The following KCNAB1 variants were observed in gnomAD, a reference collection of about 807,000 sequenced individuals.
KCNAB1 encodes the protein potassium voltage-gated channel subfamily A regulatory beta subunit 1, also known as voltage-gated potassium channel subunit beta-1.
KCNAB1 carries 35 observed loss-of-function variants against 64.6 expected under a neutral mutation model. The observed-to-expected ratio is 0.54, with a 90% confidence interval of 0.41 to 0.72. KCNAB1 has a LOEUF of 0.72. Among genes scored for constraint, KCNAB1 ranks in the 30% least tolerant of loss-of-function variants. The probability of loss-of-function intolerance (pLI) is 0.00; values close to 1 mark genes in which losing one functional copy is unlikely to be tolerated. For missense variants in KCNAB1, 401 were observed against 512.9 expected (o/e 0.78, Z 2.11); for synonymous variants, 177 against 183.8 (o/e 0.96, Z 0.30).
intron 1 of KCNAB1, among the ~76,000 whole-genome samples, chr3:156,237,704 T>G (rs899316312): frequency 2.6e-5 from 4 of 152,206 alleles, no homozygotes; most frequent in Non-Finnish European, 5.9e-5. Flanking sequence ...TTTCTTAACA[T>G]TTGTGCTTCA....
chr3:156,206,250 A>G (rs1008336330), intron 1 of KCNAB1, among the ~76,000 whole-genome samples: 1 of 151,978 alleles, frequency 6.6e-6, no homozygotes, highest in African/African-American at 2.4e-5. Flanking sequence ...CTCACACTCA[A>G]CCCAAATGAT....
At chr3:156,459,802 A>C in intron 4 of KCNAB1, 25 bp from the exon 5 acceptor site, 1 of 1,584,714 alleles carries the variant, frequency 6.3e-7, no homozygotes, top group Non-Finnish European at 8.7e-7. Context: ...CTGCATTCTA[A>C]GACATTATCT....
At chr3:156,121,752 C>T (rs752141654) in intron 1 of KCNAB1, among the ~76,000 whole-genome samples, 2 of 152,104 alleles carry the variant, frequency 1.3e-5, no homozygotes, top group South Asian at 2.1e-4. Context: ...GTTCCAATTA[C>T]GTAGTCAAAG....
intron 8 of KCNAB1, among the ~76,000 whole-genome samples, chr3:156,503,556 T>C (rs1236748324): frequency 1.3e-5 from 2 of 152,150 alleles, no homozygotes; most frequent in Non-Finnish European, 2.9e-5. Flanking sequence ...GTCTGTCTGT[T>C]TGGGAGAAAT....
chr3:156,513,211 C>CAA (rs376183217), intron 8 of KCNAB1, among the ~76,000 whole-genome samples: 5 of 144,750 alleles, frequency 3.5e-5, no homozygotes, highest in Admixed American at 1.4e-4. Flanking sequence ...GACTCCATCT[C>CAA]AAAAAAAAAA....
intron 9 of KCNAB1, 34 bp downstream of exon 9, chr3:156,514,483 G>A (rs1222384969): frequency 1.3e-6 from 2 of 1,490,390 alleles, no homozygotes; most frequent in Non-Finnish European, 9.4e-7. Flanking sequence ...TGGCTATTGA[G>A]TACCTTATTA....
At chr3:156,226,220 C>T (rs920282150) in intron 1 of KCNAB1, among the ~76,000 whole-genome samples, 2 of 152,142 alleles carry the variant, frequency 1.3e-5, no homozygotes, top group African/African-American at 4.8e-5. Flanking sequence ...AAAATTGGCA[C>T]ATAGACCAGT....
chr3:156,313,645 G>A (rs1244780175), intron 1 of KCNAB1, among the ~76,000 whole-genome samples: 1 of 152,170 alleles, frequency 6.6e-6, no homozygotes, highest in African/African-American at 2.4e-5. Flanking sequence ...TAAAACCTCC[G>A]GGAGGAATCA....
At chr3:156,177,303 C>G (rs1339209569) in intron 1 of KCNAB1, among the ~76,000 whole-genome samples, 2 of 152,190 alleles carry the variant, frequency 1.3e-5, no homozygotes, top group East Asian at 3.9e-4. Context: ...ATCCTGCTCA[C>G]TATACCCAGA....
rs376056584 is a variant in KCNAB1, at chr3:156,452,846, A to G, written c.320-53A>G. Reference sequence around the variant, plus strand: ...AAAGTAAGAATTTCCCTTATTACGCACAATATTAGAAAAATGATGATGAAT... The same window carrying G: ...AAAGTAAGAATTTCCCTTATTACGCGCAATATTAGAAAAATGATGATGAAT... On this transcript the variant is annotated intron_variant, in intron 2 of 13. Transcript: ENST00000490337. The surrounding 1 kb of genome is among the most constrained non-coding windows in gnomAD (Gnocchi z 4.6). 15 of 1,374,550 alleles carry G rather than the reference A, an allele frequency of 1.1e-5. No individual in the cohort carries two copies. The African/African-American group carries it at 2.0e-4, about 18-fold the overall frequency. The allele number at this position is 1,374,550 out of a possible 1,614,324, so 85.1% of individuals were successfully genotyped here. A position where few individuals can be genotyped will look rare whatever the true frequency, so the allele number is the denominator to read the frequency against.
chr3:156,322,806 C>T (rs797016666), intron 1 of KCNAB1, among the ~76,000 whole-genome samples: 3 of 152,242 alleles, frequency 2.0e-5, no homozygotes, highest in Non-Finnish European at 2.9e-5. Context: ...TATTAAGAGA[C>T]GGAGGCATTA....
chr3:156,529,752 T>G (rs1389706967), intron 12 of KCNAB1, among the ~76,000 whole-genome samples: 3 of 152,222 alleles, frequency 2.0e-5, no homozygotes, highest in Non-Finnish European at 4.4e-5. Context: ...AACAGGACAG[T>G]TCTTAAAGAG....
chr3:156,495,974 GACAAT>G (rs1410381700), intron 8 of KCNAB1, among the ~76,000 whole-genome samples: 1 of 152,068 alleles, frequency 6.6e-6, no homozygotes, highest in East Asian at 1.9e-4. Flanking sequence ...CCCTGAGAAG[GACAAT>G]ACATTACACA....
At chr3:156,240,909 C>T (rs1717125003) in intron 1 of KCNAB1, among the ~76,000 whole-genome samples, 1 of 151,830 alleles carries the variant, frequency 6.6e-6, no homozygotes, top group African/African-American at 2.4e-5. Flanking sequence ...CAAGAAGTAA[C>T]CACTATGGGT....
At chr3:156,342,004 AG>A (rs1447256655) in intron 1 of KCNAB1, among the ~76,000 whole-genome samples, 1 of 152,182 alleles carries the variant, frequency 6.6e-6, no homozygotes, top group Non-Finnish European at 1.5e-5. Flanking sequence ...CCCACACCAG[AG>A]CCACTCCCTG....
intron 1 of KCNAB1, among the ~76,000 whole-genome samples, chr3:156,235,400 C>T (rs1395271023): frequency 2.6e-5 from 4 of 152,184 alleles, no homozygotes; most frequent in Non-Finnish European, 5.9e-5. Context: ...TCATGTTGCT[C>T]GACTAAGCAG....
chr3:156,487,727 G>A (rs530454456), intron 8 of KCNAB1, among the ~76,000 whole-genome samples: 15 of 151,976 alleles, frequency 9.9e-5, no homozygotes, highest in African/African-American at 3.6e-4. Flanking sequence ...TGTATTAAGG[G>A]CAAAAAGGAA....
At chr3:156,235,146 C>A (rs970298054) in intron 1 of KCNAB1, among the ~76,000 whole-genome samples, 1 of 152,188 alleles carries the variant, frequency 6.6e-6, no homozygotes, top group African/African-American at 2.4e-5. Flanking sequence ...GTAGAAAGGA[C>A]AACTGCTGAA....
chr3:156,120,973 TG>T, intron 1 of KCNAB1, 87 bp downstream of exon 1: 1 of 1,494,010 alleles, frequency 6.7e-7, no homozygotes, highest in Non-Finnish European at 9.0e-7. Flanking sequence ...CCTCTGCAGC[TG>T]GAAGTCTTAA....
Sources: allele counts gnomAD v4.1 joint callset (sites outside exome capture counted in the v4.1 genomes callset), GRCh38; gene constraint gnomAD v4.1.1; non-coding constraint Gnocchi (gnomAD v3.1); transcripts MANE v1.5; gene names NCBI Gene and HGNC (gene_info 2026-07-23, HGNC 2026-07-21).